ENTREP2: variants seen among roughly 807,000 people sequenced by gnomAD.
The protein encoded by ENTREP2 is protein ENTREP2.
the ENTREP2 span, among the ~76,000 whole-genome samples, chr15:29,519,157 TCTCACA>T: frequency 1.4e-5 from 2 of 147,234 alleles, no homozygotes; most frequent in African/African-American, 5.4e-5. Flanking sequence ...TCTCTCTCTC[TCTCACA>T]CACACACACA....
chr15:29,639,965 C>T, the ENTREP2 span, among the ~76,000 whole-genome samples: 108 of 151,988 alleles, frequency 7.1e-4, no homozygotes, highest in Admixed American at 1.8e-3. Context: ...GATGGGGTTT[C>T]ACCACGTTGG....
chr15:29,474,140 A>G, the ENTREP2 span, among the ~76,000 whole-genome samples: 4 of 152,184 alleles, frequency 2.6e-5, no homozygotes, highest in African/African-American at 9.6e-5. Flanking sequence ...CCCTCATTGT[A>G]TAAAGACCAG....
the ENTREP2 span, among the ~76,000 whole-genome samples, chr15:29,545,764 T>C: frequency 5.5e-3 from 841 of 152,092 alleles, 4 homozygotes; most frequent in African/African-American, 0.019. Context: ...TTAGAATACA[T>C]TTTTTTAAGT....
chr15:29,468,600 A>C, the ENTREP2 span, among the ~76,000 whole-genome samples: 2 of 143,030 alleles, frequency 1.4e-5, no homozygotes, highest in African/African-American at 5.4e-5. Context: ...ACGAGAGCAA[A>C]ACTCCATCTC....
chr15:29,626,044 C>T, the ENTREP2 span, among the ~76,000 whole-genome samples: 5 of 152,228 alleles, frequency 3.3e-5, no homozygotes, highest in Admixed American at 3.3e-4. Context: ...GACAGGGTTT[C>T]GCCATGTTGG....
the ENTREP2 span, among the ~76,000 whole-genome samples, chr15:29,653,409 G>A: frequency 6.6e-6 from 1 of 152,162 alleles, no homozygotes; most frequent in Non-Finnish European, 1.5e-5. Context: ...ATACAGTTTG[G>A]CTGTGTCCCA....
the ENTREP2 span, among the ~76,000 whole-genome samples, chr15:29,245,666 T>A: frequency 6.6e-6 from 1 of 151,652 alleles, no homozygotes; most frequent in South Asian, 2.1e-4. Flanking sequence ...AACAGTAAAA[T>A]AGGTAACAAA....
At chr15:29,128,457 G>T in the ENTREP2 span, among the ~76,000 whole-genome samples, 4 of 152,116 alleles carry the variant, frequency 2.6e-5, no homozygotes, top group African/African-American at 9.7e-5. Flanking sequence ...TTTGGCTCTG[G>T]AAAGGGGACC....
At chr15:29,136,494 G>A in the ENTREP2 span, 13 of 1,547,994 alleles carry the variant, frequency 8.4e-6, no homozygotes, top group East Asian at 4.9e-5. Flanking sequence ...AAGTCCAGGT[G>A]GAGGCCCCTG....
chr15:29,574,323 CTCAG>C, the ENTREP2 span, among the ~76,000 whole-genome samples: 1 of 152,110 alleles, frequency 6.6e-6, no homozygotes, highest in East Asian at 1.9e-4. Context: ...AAGACAGAGT[CTCAG>C]TCTGTCATCA....
the ENTREP2 span, among the ~76,000 whole-genome samples, chr15:29,356,398 C>T: frequency 6.9e-6 from 1 of 144,970 alleles, no homozygotes; most frequent in African/African-American, 2.5e-5. Context: ...GCTCTGCCTC[C>T]TGGGTTCACG....
the ENTREP2 span, among the ~76,000 whole-genome samples, chr15:29,393,525 A>G: frequency 6.6e-6 from 1 of 152,136 alleles, no homozygotes; most frequent in Non-Finnish European, 1.5e-5. Flanking sequence ...GCCTCAGTTC[A>G]TTATTTATTT....
chr15:29,272,856 T>C, the ENTREP2 span, among the ~76,000 whole-genome samples: 3 of 152,134 alleles, frequency 2.0e-5, no homozygotes, highest in Admixed American at 1.3e-4. Flanking sequence ...GTAGAGGACA[T>C]GAAAACCCTG....
the ENTREP2 span, among the ~76,000 whole-genome samples, chr15:29,174,248 C>A: frequency 6.6e-6 from 1 of 152,224 alleles, no homozygotes; most frequent in Non-Finnish European, 1.5e-5. Context: ...TCTTTCATGG[C>A]AGATGTCATG....
the ENTREP2 span, among the ~76,000 whole-genome samples, chr15:29,561,636 C>T: frequency 5.3e-5 from 8 of 151,834 alleles, no homozygotes; most frequent in East Asian, 1.5e-3. Flanking sequence ...TGCAGTGAGC[C>T]GAGACTACGC....
the ENTREP2 span, among the ~76,000 whole-genome samples, chr15:29,479,807 C>T: frequency 2.6e-5 from 4 of 152,090 alleles, no homozygotes; most frequent in African/African-American, 9.7e-5. Flanking sequence ...AGACACTTTT[C>T]CCATTGGGCT....
the ENTREP2 span, among the ~76,000 whole-genome samples, chr15:29,127,091 C>CG: frequency 6.6e-6 from 1 of 152,170 alleles, no homozygotes; most frequent in Non-Finnish European, 1.5e-5. Flanking sequence ...GCCCAGCCAC[C>CG]GGGGTTGAAG....
At chr15:29,595,720 T>G in the ENTREP2 span, among the ~76,000 whole-genome samples, 6 of 152,204 alleles carry the variant, frequency 3.9e-5, no homozygotes. Context: ...AATTAATCTA[T>G]CCTTCATTCA....
chr15:29,634,141 G>C, the ENTREP2 span, among the ~76,000 whole-genome samples: 1 of 152,088 alleles, frequency 6.6e-6, no homozygotes, highest in Non-Finnish European at 1.5e-5. Flanking sequence ...GCCCCTTCAT[G>C]TGCACCAGAT....
Sources: gnomAD v4.1 joint callset for allele counts (sites outside exome capture counted in the v4.1 genomes callset) on GRCh38, gnomAD v4.1.1 for gene constraint, MANE v1.5 for transcripts, NCBI Gene and HGNC (gene_info 2026-07-23, HGNC 2026-07-21) for gene names.